Variants in EXOC5 observed in about 807,000 individuals in gnomAD.
EXOC5 encodes the protein SEC10-like 1.
EXOC5 carries 17 observed loss-of-function variants against 90.8 expected under a neutral mutation model. That is an observed-to-expected ratio of 0.19 (90% CI 0.13 to 0.28). The LOEUF is 0.28. EXOC5 is among the 10% of genes least tolerant of loss of function. EXOC5 has a pLI of 1.00. For missense variants in EXOC5, 569 were observed against 830.6 expected (o/e 0.69, Z 3.87); for synonymous variants, 260 against 270.0 (o/e 0.96, Z 0.36).
rs1482805046 is a variant in EXOC5 at position 57,204,483 on chromosome 14, A to T, written c.*4126T>A. 5 of 152,208 alleles carry T rather than the reference A, an allele frequency of 3.3e-5. No homozygotes were observed. The highest frequency in any genetic ancestry group is 7.4e-5 in the Non-Finnish European group (5 of 67,962). 9.4% of individuals were successfully genotyped at this position (152,208 alleles called of 1,614,324 possible). A position where few individuals can be genotyped will look rare whatever the true frequency, so the allele number is the denominator to read the frequency against. On this transcript the variant is annotated 3_prime_UTR_variant, in exon 18 of 18. Transcript: ENST00000621441. ...ATTTTCACTCCAGCATTAGTCATTT[A>T]AAAACTACCAATGTACTAAATAGTT... is the stretch of plus-strand genomic sequence containing the variant.
chr14:57,268,563 C>A, intron 1 of EXOC5, 59 bp downstream of exon 1: 1 of 1,556,824 alleles, frequency 6.4e-7, no homozygotes, highest in Non-Finnish European at 8.7e-7. Flanking sequence ...CTCGGCCCGC[C>A]CACCCAGCTG....
Position 57,225,889 on chromosome 14 carries a change from G to A in EXOC5, c.1297-3473C>T, listed in dbSNP as rs576973349. ...TGAAGGGGTGAGAAGGTGCTTCCAG[G>A]TTACAGGCAGATAAGAGACAAACAG... is the stretch of plus-strand genomic sequence containing the variant. On this transcript the variant is annotated intron_variant, in intron 12 of 17. Transcript: ENST00000621441. Among the ~76,000 whole-genome samples the A allele has an allele frequency of 4.6e-5, 7 of 152,284 alleles. No individual in the cohort carries two copies. In the South Asian group the frequency reaches 1.5e-3, roughly 32 times the overall value.
At chr14:57,260,737 T>C (rs993035730) in intron 1 of EXOC5, among the ~76,000 whole-genome samples, 1 of 152,192 alleles carries the variant, frequency 6.6e-6, no homozygotes, top group East Asian at 1.9e-4. Context: ...CTCATTTTTA[T>C]AAATAAAGAA....
chr14:57,232,711 G>A lies in EXOC5; in HGVS notation c.894C>T (p.Ser298=), dbSNP rs8009366. 13 of 1,550,546 alleles carry A rather than the reference G, an allele frequency of 8.4e-6. No individual in the cohort carries two copies. Among genetic ancestry groups the A allele is most frequent in the South Asian group, 4.7e-5 (4 of 84,562 alleles). ...VKEQLEECRK[S]DAEQYLKNLY... ...GATTTTTGAGATATTGCTCTGCATC[G>A]GACTTCCTACATTCTTCTAACTGCT... is the stretch of plus-strand genomic sequence containing the variant. Residue 298 remains serine (S), a synonymous_variant, in exon 10 of 18, where the codon TCC becomes TCT. Transcript: ENST00000621441.
chr14:57,242,531 A>T (rs1883900723), intron 4 of EXOC5, among the ~76,000 whole-genome samples: 1 of 152,150 alleles, frequency 6.6e-6, no homozygotes, highest in East Asian at 1.9e-4. Context: ...GGCCTGAGCC[A>T]CCACACCCAG....
At chr14:57,253,516 T>C (rs1884252774) in intron 1 of EXOC5, among the ~76,000 whole-genome samples, 1 of 152,210 alleles carries the variant, frequency 6.6e-6, no homozygotes, top group African/African-American at 2.4e-5. Context: ...AATGACTTTG[T>C]TTTATTCAAA....
intron 1 of EXOC5, 141 bp downstream of exon 1, chr14:57,268,481 T>C (rs907334811): frequency 5.3e-6 from 8 of 1,504,998 alleles, no homozygotes; most frequent in Non-Finnish European, 7.1e-6. Context: ...GACACGGAGC[T>C]GCCACCCCAA....
At chr14:57,230,527 C>A (rs1409577347) in intron 11 of EXOC5, among the ~76,000 whole-genome samples, 1 of 152,002 alleles carries the variant, frequency 6.6e-6, no homozygotes, top group Non-Finnish European at 1.5e-5. Flanking sequence ...CCTCTTACTA[C>A]TAATTTTAAC....
rs1884789293 is a variant in EXOC5, at chr14:57,268,802, C to G, written c.-154G>C. The stretch of plus-strand genomic sequence containing the variant: ...AGCTCCCCACAGATCCCAGGAGGGG[C>G]GGGAGAGCGGCCATGAAGCGAAGCC... On this transcript the variant is annotated 5_prime_UTR_variant, in exon 1 of 18. Transcript: ENST00000621441. 7.1e-7 allele frequency: 1 copy of G among 1,408,440 alleles called. No homozygotes were observed. The highest frequency in any genetic ancestry group is 1.5e-5 in the African/African-American group (1 of 66,076). 87.2% of individuals were successfully genotyped at this position (1,408,440 alleles called of 1,614,324 possible). A position where few individuals can be genotyped will look rare whatever the true frequency, so the allele number is the denominator to read the frequency against.
chr14:57,254,160 C>T (rs113283573), intron 1 of EXOC5, among the ~76,000 whole-genome samples: 9 of 152,240 alleles, frequency 5.9e-5, no homozygotes, highest in South Asian at 4.1e-4. Flanking sequence ...ACTGGCTGGG[C>T]GCAGTGGCTC....
intron 1 of EXOC5, among the ~76,000 whole-genome samples, chr14:57,262,870 A>T (rs992384634): frequency 6.6e-6 from 1 of 151,884 alleles, no homozygotes; most frequent in African/African-American, 2.4e-5. Context: ...TTGGAATTTT[A>T]ACTCCTCAGT....
rs773147175 is a variant in EXOC5, at chr14:57,262,536, A to ATG, written c.27+6085_27+6086insCA. ...TGCTAAAAACTCAAAGTGTAAATAC[A>ATG]TATGTGTGTGTGTGTGTGTGTGTGT... On this transcript the variant is annotated intron_variant, in intron 1 of 17. Coordinates refer to ENST00000621441, the MANE Select transcript of EXOC5 (RefSeq NM_006544.4). Among the ~76,000 whole-genome samples the ATG allele has an allele frequency of 2.1e-4, 24 of 115,994 alleles. No individual in the cohort carries two copies. In the South Asian group the frequency reaches 6.2e-3, roughly 30 times the overall value. The allele number at this position is 115,994 out of a possible 152,430, so 76.1% of individuals were successfully genotyped here. A position where few individuals can be genotyped will look rare whatever the true frequency, so the allele number is the denominator to read the frequency against.
intron 1 of EXOC5, among the ~76,000 whole-genome samples, chr14:57,259,721 T>C (rs1324694591): frequency 6.6e-6 from 1 of 152,200 alleles, no homozygotes; most frequent in South Asian, 2.1e-4. Context: ...AAAATTCAAA[T>C]CCCAACACAG....
rs192216546 is a variant in EXOC5 at position 57,202,939 on chromosome 14, C to T, written c.*5670G>A. On this transcript the variant is annotated 3_prime_UTR_variant, in exon 18 of 18. Coordinates refer to ENST00000621441, the MANE Select transcript of EXOC5 (RefSeq NM_006544.4). ...ATTCTACTGGAGAACTTAAGAGAGG[C>T]ACTTAGGTATTATTCCTTATAAAAT... 1 of 152,286 alleles carries T rather than the reference C, an allele frequency of 6.6e-6. No homozygotes were observed. The highest frequency in any genetic ancestry group is 6.5e-5 in the Admixed American group (1 of 15,290). 9.4% of individuals were successfully genotyped at this position (152,286 alleles called of 1,614,324 possible).
chr14:57,264,149 A>C (rs1370296139), intron 1 of EXOC5, among the ~76,000 whole-genome samples: 2 of 152,342 alleles, frequency 1.3e-5, no homozygotes, highest in Non-Finnish European at 2.9e-5. Context: ...CAGAATGAAT[A>C]CATTCTATCA....
intron 10 of EXOC5, 124 bp from the exon 11 acceptor site, chr14:57,231,839 C>T (rs1741108847): frequency 1.6e-5 from 10 of 633,654 alleles, no homozygotes; most frequent in Non-Finnish European, 1.6e-5. Flanking sequence ...TTCTTAAACT[C>T]TGGGAGAGTA....
chr14:57,218,206 C>A, intron 14 of EXOC5, 138 bp from the exon 15 acceptor site: 1 of 479,212 alleles, frequency 2.1e-6, no homozygotes, highest in Non-Finnish European at 3.7e-6. Flanking sequence ...GTTAACAAAT[C>A]CAAGAAGCAT....
At chr14:57,268,079 T>A (rs759574984) in intron 1 of EXOC5, among the ~76,000 whole-genome samples, 1 of 150,982 alleles carries the variant, frequency 6.6e-6, no homozygotes, top group African/African-American at 2.4e-5. Flanking sequence ...AAAAAAAAAA[T>A]TGTCCCAGCC....
At chr14:57,262,745 G>A (rs375007386) in intron 1 of EXOC5, among the ~76,000 whole-genome samples, 8 of 147,052 alleles carry the variant, frequency 5.4e-5, no homozygotes, top group East Asian at 3.9e-4. Flanking sequence ...ATATATGTGT[G>A]TGTGTATATA....
Sources: allele counts gnomAD v4.1 joint callset (sites outside exome capture counted in the v4.1 genomes callset), GRCh38; gene constraint gnomAD v4.1.1; transcripts MANE v1.5; gene names NCBI Gene and HGNC (gene_info 2026-07-23, HGNC 2026-07-21).